CNTNAP2: variants seen among roughly 807,000 people sequenced by gnomAD.
CNTNAP2 encodes the protein contactin associated protein 2.
In CNTNAP2, 98 loss-of-function variants were observed where a neutral mutation model predicts 155.2. The observed-to-expected ratio is 0.63, with a 90% CI of 0.54 to 0.75. The LOEUF (loss-of-function observed/expected upper bound fraction) is 0.75. Ranked by LOEUF, CNTNAP2 falls within the 30% of genes least tolerant of loss-of-function variation. The pLI is 0.00. For missense variants in CNTNAP2, 1,727 were observed against 1,688.1 expected (o/e 1.02, Z -0.40); for synonymous variants, 651 against 631.2 (o/e 1.03, Z -0.47).
At chr7:147,513,659 T>C (rs1175227489) in intron 11 of CNTNAP2, among the ~76,000 whole-genome samples, 1 of 152,250 alleles carries the variant, frequency 6.6e-6, no homozygotes, top group Non-Finnish European at 1.5e-5. Flanking sequence ...TACAAAATCA[T>C]GAAGCAAGCC....
At chr7:146,839,253 T>C (rs1169052334) in intron 2 of CNTNAP2, among the ~76,000 whole-genome samples, 2 of 152,200 alleles carry the variant, frequency 1.3e-5, no homozygotes, top group Non-Finnish European at 2.9e-5. Flanking sequence ...AATATTTTTC[T>C]ACTTTACTTC....
intron 1 of CNTNAP2, among the ~76,000 whole-genome samples, chr7:146,772,466 G>C (rs1217518656): frequency 6.7e-6 from 1 of 149,018 alleles, no homozygotes; most frequent in Admixed American, 6.7e-5. Flanking sequence ...AGACCATCCT[G>C]GCTAACATGG....
intron 3 of CNTNAP2, among the ~76,000 whole-genome samples, chr7:146,896,396 C>A (rs1260967450): frequency 6.6e-6 from 1 of 152,042 alleles, no homozygotes; most frequent in East Asian, 1.9e-4. Context: ...CCCTAATTCC[C>A]CAACCACGTG....
At chr7:147,367,772 T>C (rs866427131) in intron 9 of CNTNAP2, among the ~76,000 whole-genome samples, 4 of 152,040 alleles carry the variant, frequency 2.6e-5, no homozygotes, top group Non-Finnish European at 4.4e-5. Context: ...GGTTAAACAA[T>C]AGAGGGTTTT....
intron 3 of CNTNAP2, among the ~76,000 whole-genome samples, chr7:146,918,485 T>C (rs1196292092): frequency 6.6e-6 from 1 of 152,206 alleles, no homozygotes; most frequent in East Asian, 1.9e-4. Context: ...AATGTTTGGT[T>C]TAACGAGGCT....
intron 13 of CNTNAP2, among the ~76,000 whole-genome samples, chr7:147,651,048 G>A (rs1331912053): frequency 1.3e-5 from 2 of 152,136 alleles, no homozygotes; most frequent in Admixed American, 6.5e-5. Flanking sequence ...TTAGGAATGG[G>A]AGAAAATAGG....
Position 148,395,366 on chromosome 7 carries a change from G to A in CNTNAP2, c.3715+11478G>A, listed in dbSNP as rs554032111. On this transcript the variant is annotated intron_variant, in intron 22 of 23. Coordinates refer to ENST00000361727, the MANE Select transcript of CNTNAP2 (RefSeq NM_014141.6). ...CGAAGTCAACAAATCTTAAACTCCA[G>A]CCATGCTCTCTTCTGACCACACCTC... Among the ~76,000 whole-genome samples the A allele has an allele frequency of 4.8e-4, 73 of 151,954 alleles. No individual in the cohort carries two copies. The South Asian group carries it at 0.015, about 31-fold the overall frequency.
intron 3 of CNTNAP2, among the ~76,000 whole-genome samples, chr7:146,961,099 C>T (rs1174872178): frequency 6.6e-6 from 1 of 152,162 alleles, no homozygotes; most frequent in African/African-American, 2.4e-5. Flanking sequence ...ATCAATGATG[C>T]GTGCTTTTCT....
intron 15 of CNTNAP2, among the ~76,000 whole-genome samples, chr7:148,021,226 T>G (rs954096827): frequency 6.6e-6 from 1 of 152,178 alleles, no homozygotes; most frequent in African/African-American, 2.4e-5. Context: ...CTCCCTCATA[T>G]CAAATAAATT....
chr7:147,353,967 C>A (rs1272944715), intron 9 of CNTNAP2, among the ~76,000 whole-genome samples: 1 of 117,500 alleles, frequency 8.5e-6, no homozygotes, highest in African/African-American at 3.7e-5. Flanking sequence ...TCATATCCTT[C>A]GCCCACTTTT....
chr7:146,775,418 A>G lies in CNTNAP2; in HGVS notation c.208+1037A>G, dbSNP rs1802372692. Reference sequence around the variant, plus strand: ...CAAAACACCATGTTGTATACTATAAATATATAAATTTTTTGTGACTGCACC... The same window carrying G: ...CAAAACACCATGTTGTATACTATAAGTATATAAATTTTTTGTGACTGCACC... On this transcript the variant is annotated intron_variant, in intron 2 of 23. Coordinates refer to ENST00000361727, the MANE Select transcript of CNTNAP2 (RefSeq NM_014141.6). Among the ~76,000 whole-genome samples the G allele has an allele frequency of 2.0e-5, 3 of 152,182 alleles. 1 individual carries two copies.
Position 147,788,250 on chromosome 7 carries a change from A to G in CNTNAP2, c.2099-115315A>G, listed in dbSNP as rs760667666. Among the ~76,000 whole-genome samples, 127 of 152,202 alleles carry G rather than the reference A, an allele frequency of 8.3e-4. 1 individual carries two copies. The highest frequency in any genetic ancestry group is 2.4e-4 in the Non-Finnish European group (16 of 68,038). On this transcript the variant is annotated intron_variant, in intron 13 of 23. Transcript: ENST00000361727. ...TGCTCTCAAGTTGTCAATTTGATGA[A>G]TCCTAAACTGTCCTAGTCAAATTTT... is the stretch of plus-strand genomic sequence containing the variant.
chr7:147,101,960 G>C (rs1800666435), intron 4 of CNTNAP2, among the ~76,000 whole-genome samples: 1 of 152,122 alleles, frequency 6.6e-6, no homozygotes, highest in African/African-American at 2.4e-5. Flanking sequence ...CTTGAGGGCG[G>C]AGCCTTTGCC....
At chr7:147,801,130 C>A (rs1417475266) in intron 13 of CNTNAP2, among the ~76,000 whole-genome samples, 1 of 151,818 alleles carries the variant, frequency 6.6e-6, no homozygotes, top group Non-Finnish European at 1.5e-5. Context: ...TTTATTATCA[C>A]CTCAAAGAAG....
intron 1 of CNTNAP2, among the ~76,000 whole-genome samples, chr7:146,733,329 A>G (rs1282540590): frequency 6.6e-6 from 1 of 152,106 alleles, no homozygotes; most frequent in Non-Finnish European, 1.5e-5. Context: ...AATCATAAAA[A>G]CAGAATATTT....
chr7:147,913,457 T>C (rs1800103656), intron 14 of CNTNAP2, among the ~76,000 whole-genome samples: 2 of 152,066 alleles, frequency 1.3e-5, no homozygotes, highest in Admixed American at 6.5e-5. Flanking sequence ...TTCCACCTGC[T>C]CCCACCTTAG....
chr7:148,302,110 C>G (rs761995038), intron 21 of CNTNAP2, among the ~76,000 whole-genome samples: 2 of 152,218 alleles, frequency 1.3e-5, no homozygotes, highest in African/African-American at 2.4e-5. Flanking sequence ...ATGCTGGACT[C>G]CAGCAGTGAC....
chr7:146,788,954 C>G (rs777901182), intron 2 of CNTNAP2, among the ~76,000 whole-genome samples: 5 of 152,056 alleles, frequency 3.3e-5, no homozygotes, highest in African/African-American at 4.8e-5. Flanking sequence ...AAGACATGTC[C>G]TGTGTATCAA....
chr7:147,564,916 G>A (rs1584817360), intron 12 of CNTNAP2, among the ~76,000 whole-genome samples: 1 of 152,106 alleles, frequency 6.6e-6, no homozygotes, highest in Admixed American at 6.6e-5. Context: ...TGCCTTACAG[G>A]CCAGCAGGCA....
Sources: gnomAD v4.1 joint callset for allele counts (sites outside exome capture counted in the v4.1 genomes callset) on GRCh38, gnomAD v4.1.1 for gene constraint, MANE v1.5 for transcripts, NCBI Gene and HGNC (gene_info 2026-07-23, HGNC 2026-07-21) for gene names.